TPCN1: variants seen among roughly 807,000 people sequenced by gnomAD.
TPCN1 encodes the protein two pore channel protein 1.
Under a neutral mutation model 108.8 loss-of-function variants are expected in TPCN1, and 52 were observed. The observed-to-expected ratio is 0.48, with a 90% CI of 0.38 to 0.60. The LOEUF is 0.60. TPCN1 is among the 20% of genes least tolerant of loss of function. The probability of loss-of-function intolerance (pLI) is 0.00; values close to 1 mark genes in which losing one functional copy is unlikely to be tolerated. For missense variants in TPCN1, 806 were observed against 1,072.8 expected, an observed-to-expected ratio of 0.75 and a Z score of 3.47; for synonymous variants, 446 against 433.7, an observed-to-expected ratio of 1.03 and a Z score of -0.35.
intron 3 of TPCN1, among the ~76,000 whole-genome samples, chr12:113,261,778 C>A (rs567204914): frequency 1.3e-5 from 2 of 152,214 alleles, no homozygotes; most frequent in East Asian, 3.9e-4. Context: ...ATTTACTTAA[C>A]CTGATAATCT....
Position 113,273,955 on chromosome 12 carries a change from A to C in TPCN1, c.942+287A>C, listed in dbSNP as rs1955590355. 6.6e-6 allele frequency among the ~76,000 whole-genome samples: 1 copy of C among 152,206 alleles called. No individual in the cohort carries two copies. The highest frequency in any genetic ancestry group is 2.4e-5 in the African/African-American group (1 of 41,432). On this transcript the variant is annotated intron_variant, in intron 10 of 27. Coordinates refer to ENST00000335509, the MANE Select transcript of TPCN1 (RefSeq NM_017901.6). This position sits in a 1 kb window ranked among gnomAD's most constrained non-coding sequence, Gnocchi z 4.0. ...AACCCTGGGACCTTTTCATTCTTAC[A>C]TCAGAAATAAGCAGTTGACCCTCGG...
chr12:113,226,751 T>G lies in TPCN1; in HGVS notation c.-102T>G. 6.3e-7 allele frequency: 1 copy of G among 1,579,560 alleles called. No homozygotes were observed. Among genetic ancestry groups the G allele is most frequent in the Non-Finnish European group, 8.6e-7 (1 of 1,161,996 alleles). ...AGAAGATGCCTCTAATGGAGGAGTT[T>G]CTGAGCAGCACCCCTGGCCCAGTGG... On this transcript the variant is annotated 5_prime_UTR_variant, in exon 2 of 28. Transcript: ENST00000335509.
chr12:113,264,975 G>T (rs1353100168), intron 3 of TPCN1, among the ~76,000 whole-genome samples: 5 of 152,030 alleles, frequency 3.3e-5, no homozygotes, highest in Non-Finnish European at 7.4e-5. Context: ...ACAGGCGCAT[G>T]CCACCATACC....
Position 113,285,921 on chromosome 12 carries a change from G to A in TPCN1, c.1486G>A (p.Gly496Ser), listed in dbSNP as rs200815967. The change falls in exon 18 of 28, where the codon GGC (glycine) becomes AGC (serine). Residue 496 changes from glycine to serine, a missense_variant. Transcript: ENST00000335509. ...YGVELFLKVA[G>S]LGPVEYLSSG... is the part of the protein sequence containing the mutation. ...GGTGGAGCTGTTCCTGAAGGTTGCCGGCCTGGGCCCTGTGGAGTACTTGTC... is the reference window on the plus strand; with the variant it reads ...GGTGGAGCTGTTCCTGAAGGTTGCCAGCCTGGGCCCTGTGGAGTACTTGTC... The A allele has an allele frequency of 6.3e-5, 102 of 1,614,064 alleles. No individual in the cohort carries two copies. Among genetic ancestry groups the A allele is most frequent in the East Asian group, 3.6e-4 (16 of 44,886 alleles).
intron 2 of TPCN1, among the ~76,000 whole-genome samples, chr12:113,257,774 G>C (rs1489941716): frequency 6.6e-6 from 1 of 152,108 alleles, no homozygotes; most frequent in Non-Finnish European, 1.5e-5. Context: ...TCATCAACAG[G>C]TGAATGGATA....
intron 14 of TPCN1, 114 bp downstream of exon 14, chr12:113,278,949 T>A: frequency 2.2e-6 from 2 of 917,320 alleles, no homozygotes; most frequent in Middle Eastern, 2.2e-4. Flanking sequence ...TGTGTGTGTT[T>A]GTCTGAATGC....
chr12:113,290,627 C>T (rs1007694217), intron 22 of TPCN1, among the ~76,000 whole-genome samples: 4 of 152,182 alleles, frequency 2.6e-5, no homozygotes, highest in Admixed American at 6.5e-5. Context: ...CATGAAGAGG[C>T]GAACACAGCC....
chr12:113,290,151 AC>A lies in TPCN1; in HGVS notation c.1822del (p.Arg608AlafsTer31). 1 of 1,601,004 alleles carries A rather than the reference AC, an allele frequency of 6.2e-7. No homozygotes were observed. Among genetic ancestry groups the A allele is most frequent in the South Asian group, 1.1e-5 (1 of 88,996 alleles). ...CCNTSTVADA[Y>X]RWRNHTVGNR... is the part of the protein sequence containing the mutation. ...AGCACGAGTACAGTGGCAGATGCCT[AC>A]CGCTGGCGCAACCACACCGTGGGCA... On this transcript the variant is annotated frameshift_variant, in exon 22 of 28. Transcript: ENST00000335509. LOFTEE classifies it high-confidence loss of function.
At chr12:113,274,621 T>C (rs1044139437) in intron 10 of TPCN1, among the ~76,000 whole-genome samples, 1 of 152,198 alleles carries the variant, frequency 6.6e-6, no homozygotes, top group Non-Finnish European at 1.5e-5. Flanking sequence ...TATATTATAA[T>C]AACCATAAAA....
rs151336461 is a variant in TPCN1 at position 113,242,913 on chromosome 12, C to T, written c.112+15949C>T. On this transcript the variant is annotated intron_variant, in intron 2 of 27. Transcript: ENST00000335509. ...TTTAGATCTCAGTGCACCAGAGTCA[C>T]GATCCTTCATTACCTACTGATGGAG... Among the ~76,000 whole-genome samples the T allele has an allele frequency of 2.4e-3, 371 of 152,306 alleles. 1 individual carries two copies. Among genetic ancestry groups the T allele is most frequent in the Middle Eastern group, 6.8e-3 (2 of 294 alleles).
chr12:113,291,774 T>C, intron 24 of TPCN1, 97 bp downstream of exon 24: 1 of 1,567,030 alleles, frequency 6.4e-7, no homozygotes, highest in African/African-American at 1.3e-5. Context: ...TGGGGCTGGG[T>C]CCCATCTGGC....
chr12:113,238,948 TAGTG>T (rs1259427295), intron 2 of TPCN1, among the ~76,000 whole-genome samples: 2 of 152,020 alleles, frequency 1.3e-5, no homozygotes, highest in African/African-American at 4.8e-5. Flanking sequence ...TTGGACAACA[TAGTG>T]AGACCCCATT....
intron 2 of TPCN1, 95 bp from the exon 3 acceptor site, chr12:113,260,273 A>G (rs972704791): frequency 4.4e-6 from 6 of 1,355,868 alleles, no homozygotes; most frequent in African/African-American, 3.1e-5. Context: ...CCATGTGAGC[A>G]TATGAAGGGA....
intron 2 of TPCN1, among the ~76,000 whole-genome samples, chr12:113,247,157 A>G (rs1219464387): frequency 6.6e-6 from 1 of 152,142 alleles, no homozygotes; most frequent in Non-Finnish European, 1.5e-5. Flanking sequence ...CTAGCTTCAC[A>G]CACAGTGCTG....
intron 2 of TPCN1, among the ~76,000 whole-genome samples, chr12:113,254,621 A>G (rs1954768488): frequency 6.6e-6 from 1 of 152,204 alleles, no homozygotes; most frequent in Non-Finnish European, 1.5e-5. Context: ...AGTATTTCCG[A>G]TTTTTAATTT....
intron 25 of TPCN1, 22 bp downstream of exon 25, chr12:113,291,980 T>C: frequency 6.2e-7 from 1 of 1,608,486 alleles, no homozygotes; most frequent in Non-Finnish European, 8.5e-7. Context: ...GATGATGCCT[T>C]GGGCATTTGA....
intron 2 of TPCN1, among the ~76,000 whole-genome samples, chr12:113,255,548 CAG>C (rs1954801872): frequency 6.7e-6 from 1 of 149,374 alleles, no homozygotes; most frequent in African/African-American, 2.5e-5. Flanking sequence ...TTTTTTGAGA[CAG>C]AGTCTCAGTC....
At position 113,286,026 on chromosome 12, in the gene TPCN1, T is replaced by C. The variant is rs1353206607; in HGVS notation, c.1526+65T>C. 2.2e-6 allele frequency: 3 copies of C among 1,383,904 alleles called. No individual in the cohort carries two copies. In the African/African-American group the frequency reaches 4.3e-5, roughly 20 times the overall value. 85.7% of individuals were successfully genotyped at this position (1,383,904 alleles called of 1,614,324 possible). A position where few individuals can be genotyped will look rare whatever the true frequency, so the allele number is the denominator to read the frequency against. The stretch of plus-strand genomic sequence containing the variant: ...TTGAGGATGGCCCCAGACCCTTCTC[T>C]GCACACCCTGATCCCGGGCCATTTC... On this transcript the variant is annotated intron_variant, in intron 18 of 27. Transcript: ENST00000335509.
chr12:113,247,618 C>T lies in TPCN1; in HGVS notation c.113-12750C>T, dbSNP rs150356227. Among the ~76,000 whole-genome samples the T allele has an allele frequency of 5.1e-3, 782 of 152,362 alleles. 8 individuals are homozygous for T. The highest frequency in any genetic ancestry group is 0.018 in the African/African-American group (736 of 41,580). ...CCCCACCCGGCCCCTGCCGTGCCCT[C>T]GTCTTGGCTGGTACAGCTGCACTGC... On this transcript the variant is annotated intron_variant, in intron 2 of 27. Transcript: ENST00000335509.
Sources: gnomAD v4.1 joint callset for allele counts (sites outside exome capture counted in the v4.1 genomes callset) on GRCh38, gnomAD v4.1.1 for gene constraint, Gnocchi (gnomAD v3.1) non-coding constraint, MANE v1.5 for transcripts, NCBI Gene and HGNC (gene_info 2026-07-23, HGNC 2026-07-21) for gene names.